Variants in GPC5 observed in about 807,000 individuals in gnomAD.
GPC5 encodes glypican-5.
A neutral mutation model predicts 53.9 loss-of-function variants in GPC5; 47 were observed. The ratio of observed to expected loss-of-function variants is 0.87; its 90% confidence interval spans 0.69 to 1.11. The LOEUF (loss-of-function observed/expected upper bound fraction) is 1.11, where lower values mean the gene tolerates loss of function less well. Ranked by LOEUF, GPC5 falls within the 50% of genes most tolerant of loss-of-function variation. The pLI, the probability that GPC5 is intolerant of heterozygous loss-of-function variation, is 0.00. For synonymous variants in GPC5, 286 were observed against 263.3 expected, an observed-to-expected ratio of 1.09 and a Z score of -0.84; for missense variants, 748 against 713.1, an observed-to-expected ratio of 1.05 and a Z score of -0.56.
At chr13:91,558,329 T>G (rs1449313497) in intron 2 of GPC5, among the ~76,000 whole-genome samples, 2 of 152,070 alleles carry the variant, frequency 1.3e-5, no homozygotes, top group Non-Finnish European at 2.9e-5. Flanking sequence ...AGATAGGAAG[T>G]GACATTTTAT....
intron 7 of GPC5, among the ~76,000 whole-genome samples, chr13:92,359,694 A>C (rs2043550379): frequency 6.6e-6 from 1 of 151,720 alleles, no homozygotes. Context: ...AAGAGGAAGG[A>C]GGCACATCTT....
intron 7 of GPC5, among the ~76,000 whole-genome samples, chr13:92,336,134 C>T (rs191962543): frequency 1.3e-5 from 2 of 152,240 alleles, no homozygotes; most frequent in African/African-American, 2.4e-5. Context: ...TAGAGAATTA[C>T]CAAAGCCACT....
At chr13:92,740,247 A>T (rs1365342375) in intron 7 of GPC5, among the ~76,000 whole-genome samples, 6 of 150,712 alleles carry the variant, frequency 4.0e-5, no homozygotes, top group African/African-American at 1.5e-4. Flanking sequence ...TATTAGTAAG[A>T]CTCCCCTTTA....
chr13:91,840,765 A>G (rs78278836), intron 5 of GPC5, among the ~76,000 whole-genome samples: 10 of 151,396 alleles, frequency 6.6e-5, no homozygotes, highest in Admixed American at 4.6e-4. Flanking sequence ...TTTTTAAAAA[A>G]CATGTTTAGA....
chr13:92,784,338 T>C (rs1221335560), intron 7 of GPC5, among the ~76,000 whole-genome samples: 1 of 152,190 alleles, frequency 6.6e-6, no homozygotes, highest in Non-Finnish European at 1.5e-5. Flanking sequence ...TATTTTGTAG[T>C]GATTTGAATA....
intron 7 of GPC5, among the ~76,000 whole-genome samples, chr13:92,672,653 C>T (rs1038092707): frequency 5.3e-5 from 8 of 152,098 alleles, no homozygotes; most frequent in African/African-American, 1.9e-4. Flanking sequence ...CAGTGACACA[C>T]TGGATCAAGA....
At chr13:91,617,760 G>A (rs1484649972) in intron 2 of GPC5, among the ~76,000 whole-genome samples, 1 of 151,998 alleles carries the variant, frequency 6.6e-6, no homozygotes, top group Non-Finnish European at 1.5e-5. Context: ...CATGGAGTTT[G>A]TATTGTAGAC....
At chr13:91,576,209 A>C (rs2032126897) in intron 2 of GPC5, among the ~76,000 whole-genome samples, 1 of 152,124 alleles carries the variant, frequency 6.6e-6, no homozygotes, top group South Asian at 2.1e-4. Context: ...TATGACTAAT[A>C]GCAATGTATT....
In GPC5 at chr13:92,448,732, T is replaced by C. The variant is rs1265103152; in HGVS notation, c.1561+303743T>C. ...TTTTGTTGAGTTTATTATTTCACTT[T>C]GGTATAAGAATTGCTCATTCAAAAT... On this transcript the variant is annotated intron_variant, in intron 7 of 7. Transcript: ENST00000377067. 6 of 151,728 alleles carry C rather than the reference T, an allele frequency of 4.0e-5. No individual in the cohort carries two copies. The East Asian group carries it at 1.2e-3, about 29-fold the overall frequency. The allele number at this position is 151,728 out of a possible 1,614,324, so 9.4% of individuals were successfully genotyped here. A position where few individuals can be genotyped will look rare whatever the true frequency, so the allele number is the denominator to read the frequency against.
chr13:91,824,154 G>A (rs55973311), intron 5 of GPC5, among the ~76,000 whole-genome samples: 1 of 152,120 alleles, frequency 6.6e-6, no homozygotes, highest in African/African-American at 2.4e-5. Flanking sequence ...CAATGCATAA[G>A]ACAGTATACT....
intron 6 of GPC5, among the ~76,000 whole-genome samples, chr13:92,098,208 C>A (rs947761972): frequency 6.6e-6 from 1 of 152,068 alleles, no homozygotes; most frequent in Non-Finnish European, 1.5e-5. Context: ...CCCCTCTATG[C>A]GTCCATGTGT....
chr13:91,405,096 C>T (rs1877220462), intron 1 of GPC5, among the ~76,000 whole-genome samples: 1 of 152,202 alleles, frequency 6.6e-6, no homozygotes, highest in African/African-American at 2.4e-5. Flanking sequence ...CCAGTATTCT[C>T]TACCATAAAG....
intron 5 of GPC5, among the ~76,000 whole-genome samples, chr13:91,816,996 C>G (rs1360422513): frequency 2.6e-5 from 4 of 152,176 alleles, no homozygotes; most frequent in Non-Finnish European, 5.9e-5. Context: ...TTTTCCATCT[C>G]TCCAGTATAA....
At chr13:92,594,136 C>A (rs899710022) in intron 7 of GPC5, among the ~76,000 whole-genome samples, 2 of 152,102 alleles carry the variant, frequency 1.3e-5, no homozygotes, top group Non-Finnish European at 2.9e-5. Context: ...AGATATAATT[C>A]TATTTACTGC....
intron 7 of GPC5, among the ~76,000 whole-genome samples, chr13:92,307,615 G>T (rs2043119166): frequency 6.6e-6 from 1 of 152,196 alleles, no homozygotes; most frequent in Admixed American, 6.5e-5. Context: ...TTGGCCAAAG[G>T]AATTTCCTCC....
intron 7 of GPC5, among the ~76,000 whole-genome samples, chr13:92,770,837 G>A (rs1387763392): frequency 2.0e-5 from 3 of 152,114 alleles, no homozygotes; most frequent in African/African-American, 7.2e-5. Flanking sequence ...ATTACTGCAG[G>A]CTATGGGAGA....
At chr13:91,558,585 G>A (rs553476347) in intron 2 of GPC5, among the ~76,000 whole-genome samples, 47 of 152,206 alleles carry the variant, frequency 3.1e-4, no homozygotes, top group African/African-American at 1.1e-3. Context: ...GTAGCACTTG[G>A]TTAGTATGTG....
At chr13:91,616,181 G>A (rs919612693) in intron 2 of GPC5, among the ~76,000 whole-genome samples, 7 of 152,076 alleles carry the variant, frequency 4.6e-5, no homozygotes, top group African/African-American at 7.2e-5. Flanking sequence ...TACTATTTAT[G>A]TCTGTTAATT....
intron 5 of GPC5, among the ~76,000 whole-genome samples, chr13:91,902,481 C>T (rs1424419223): frequency 6.6e-6 from 1 of 151,998 alleles, no homozygotes; most frequent in African/African-American, 2.4e-5. Context: ...ACTGCTGTCA[C>T]TCATTCCCAG....
Sources: allele counts gnomAD v4.1 joint callset (sites outside exome capture counted in the v4.1 genomes callset), GRCh38; gene constraint gnomAD v4.1.1; transcripts MANE v1.5; gene names NCBI Gene and HGNC (gene_info 2026-07-23, HGNC 2026-07-21).